Variants in MED13L observed in about 807,000 individuals in gnomAD.
MED13L encodes mediator of RNA polymerase II transcription subunit 13-like.
MED13L carries 7 observed loss-of-function variants against 220.9 expected under a neutral mutation model. The ratio of observed to expected loss-of-function variants is 0.03; its 90% CI spans 0.02 to 0.06. The LOEUF is 0.06. Among genes scored for constraint, MED13L ranks in the 10% least tolerant of loss-of-function variants. The pLI is 1.00. For synonymous variants in MED13L, 1,011 were observed against 1,015.2 expected, an observed-to-expected ratio of 1.00 and a Z score of 0.08; for missense variants, 1,965 against 2,760.5, an observed-to-expected ratio of 0.71 and a Z score of 6.46.
At chr12:116,164,365 G>GT (rs1879097817) in intron 2 of MED13L, among the ~76,000 whole-genome samples, 2 of 152,122 alleles carry the variant, frequency 1.3e-5, no homozygotes, top group Admixed American at 6.5e-5. Flanking sequence ...CCAAAATCTT[G>GT]TAAGTATGAA....
intron 14 of MED13L, among the ~76,000 whole-genome samples, chr12:115,997,818 A>G (rs546358511): frequency 6.6e-6 from 1 of 152,352 alleles, no homozygotes; most frequent in East Asian, 1.9e-4. Flanking sequence ...GTTTCTTCCA[A>G]CAACTGATTC....
At chr12:116,266,968 T>C (rs1872878452) in intron 1 of MED13L, among the ~76,000 whole-genome samples, 1 of 152,296 alleles carries the variant, frequency 6.6e-6, no homozygotes, top group South Asian at 2.1e-4. Flanking sequence ...ACAGTAAGGG[T>C]TGTGACATGT....
chr12:116,095,465 C>T (rs1005866281), intron 4 of MED13L, among the ~76,000 whole-genome samples: 1 of 152,128 alleles, frequency 6.6e-6, no homozygotes, highest in African/African-American at 2.4e-5. Context: ...GATTCCACAA[C>T]CATTTCATTA....
At chr12:116,180,776 T>A (rs1880462904) in intron 2 of MED13L, among the ~76,000 whole-genome samples, 1 of 152,202 alleles carries the variant, frequency 6.6e-6, no homozygotes, top group African/African-American at 2.4e-5. Flanking sequence ...TTCAGTAGAT[T>A]TTTATTTAAA....
chr12:116,276,496 T>C (rs1416406323), intron 1 of MED13L: 1 of 1,287,428 alleles, frequency 7.8e-7, no homozygotes, highest in Non-Finnish European at 1.0e-6. Context: ...GGCAGGCGGC[T>C]GTCGATGTTT....
At chr12:116,265,744 T>C (rs185096840) in intron 1 of MED13L, among the ~76,000 whole-genome samples, 11 of 152,328 alleles carry the variant, frequency 7.2e-5, no homozygotes, top group South Asian at 2.1e-4. Context: ...TAAGTCTTTG[T>C]ACTGTTTTTT....
chr12:116,220,864 G>GA (rs1221580495), intron 2 of MED13L, among the ~76,000 whole-genome samples: 1 of 152,022 alleles, frequency 6.6e-6, no homozygotes, highest in Non-Finnish European at 1.5e-5. Flanking sequence ...AGAGTTGGGG[G>GA]AAAAAACTGT....
chr12:116,263,404 C>T (rs963619262), intron 1 of MED13L, among the ~76,000 whole-genome samples: 4 of 152,174 alleles, frequency 2.6e-5, no homozygotes, highest in African/African-American at 9.7e-5. Flanking sequence ...GCCACTGCAA[C>T]TTGTAATCTA....
At chr12:115,993,018 TAAAA>T (rs1477476888) in intron 16 of MED13L, among the ~76,000 whole-genome samples, 2 of 151,750 alleles carry the variant, frequency 1.3e-5, no homozygotes, top group Non-Finnish European at 2.9e-5. Flanking sequence ...AAACAACAGT[TAAAA>T]AACACAAATC....
chr12:116,129,601 T>C (rs1285053513), intron 2 of MED13L, among the ~76,000 whole-genome samples: 1 of 151,390 alleles, frequency 6.6e-6, no homozygotes, highest in South Asian at 2.1e-4. Flanking sequence ...AATAAGACTA[T>C]TCACAAGATA....
At chr12:116,149,953 T>G in intron 2 of MED13L, among the ~76,000 whole-genome samples, 1 of 152,238 alleles carries the variant, frequency 6.6e-6, no homozygotes, top group East Asian at 1.9e-4. Flanking sequence ...TTCTTTCACT[T>G]TGCCCTCTGA....
At chr12:116,020,120 A>AT in intron 5 of MED13L, 148 bp from the exon 6 acceptor site, 1 of 808,464 alleles carries the variant, frequency 1.2e-6, no homozygotes, top group Non-Finnish European at 1.9e-6. Context: ...TATGATTTAA[A>AT]AGAAATTTTT....
At chr12:115,969,643 C>T (rs375047401) in intron 27 of MED13L, among the ~76,000 whole-genome samples, 2 of 151,464 alleles carry the variant, frequency 1.3e-5, no homozygotes, top group South Asian at 2.1e-4. Context: ...GGCACGATCT[C>T]GGCTCACTGC....
chr12:115,968,830 C>G, intron 28 of MED13L, 110 bp downstream of exon 28: 1 of 1,378,900 alleles, frequency 7.3e-7, no homozygotes, highest in South Asian at 1.2e-5. Context: ...GTACCAAGGA[C>G]CCAGACCATC....
chr12:116,169,888 C>T (rs1165252603), intron 2 of MED13L, among the ~76,000 whole-genome samples: 2 of 152,130 alleles, frequency 1.3e-5, no homozygotes, highest in East Asian at 3.9e-4. Context: ...GTGTGGCATG[C>T]CACCTGTGCT....
chr12:116,117,340 T>C (rs1399390710), intron 2 of MED13L, among the ~76,000 whole-genome samples: 1 of 152,126 alleles, frequency 6.6e-6, no homozygotes, highest in African/African-American at 2.4e-5. Context: ...TGCCCCCCAC[T>C]CTATATCTTG....
rs145519814 is a variant in MED13L, at chr12:116,195,759, G to C, written c.310+41709C>G. On this transcript the variant is annotated intron_variant, in intron 2 of 30. Coordinates refer to ENST00000281928, the MANE Select transcript of MED13L (RefSeq NM_015335.5). ...AGCCACTCTTTTACTCTTTATAAAA[G>C]AGTAAAATTTCTTTTATAAAGGGAA... 4.7e-3 allele frequency among the ~76,000 whole-genome samples: 720 copies of C among 151,714 alleles called. 4 individuals carry two copies. Among genetic ancestry groups the C allele is most frequent in the African/African-American group, 0.017 (694 of 41,344 alleles).
intron 11 of MED13L, chr12:116,006,904 G>A (rs562470691): frequency 4.8e-6 from 1 of 209,954 alleles, no homozygotes; most frequent in South Asian, 8.3e-5. Context: ...AAAGACAGCA[G>A]ACACAACCAG....
At chr12:116,095,785 G>A (rs1465313488) in intron 4 of MED13L, among the ~76,000 whole-genome samples, 1 of 152,096 alleles carries the variant, frequency 6.6e-6, no homozygotes, top group East Asian at 1.9e-4. Flanking sequence ...TACATTCAGA[G>A]GTAGCCAAAG....
Sources: gnomAD v4.1 joint callset for allele counts (sites outside exome capture counted in the v4.1 genomes callset) on GRCh38, gnomAD v4.1.1 for gene constraint, MANE v1.5 for transcripts, NCBI Gene and HGNC (gene_info 2026-07-23, HGNC 2026-07-21) for gene names.